SDC3: variants seen among roughly 807,000 people sequenced by gnomAD.
SDC3 encodes the protein syndecan 3.
In SDC3, 13 loss-of-function variants were observed where a neutral mutation model predicts 24.4. The observed-to-expected ratio is 0.53, with a 90% CI of 0.35 to 0.85. SDC3 has a LOEUF of 0.85. SDC3 is among the 40% of genes least tolerant of loss of function. SDC3 has a pLI of 0.01. For missense variants in SDC3, 571 were observed against 584.5 expected (o/e 0.98, Z 0.24); for synonymous variants, 295 against 260.9 (o/e 1.13, Z -1.26).
chr1:30,882,795 G>T (rs538718900), intron 1 of SDC3, among the ~76,000 whole-genome samples: 2 of 152,208 alleles, frequency 1.3e-5, no homozygotes, highest in Admixed American at 1.3e-4. Context: ...TAGAGAAACC[G>T]GTCAGCACAG....
rs150009038 is a variant in SDC3 at position 30,876,752 on chromosome 1, C to T, written c.670G>A (p.Ala224Thr). The T allele has an allele frequency of 3.1e-6, 5 of 1,589,018 alleles. No individual in the cohort carries two copies. The highest frequency in any genetic ancestry group is 4.3e-6 in the Non-Finnish European group (5 of 1,167,252). Residue 224 changes from alanine to threonine, a missense_variant, in exon 3 of 5, where the codon GCC becomes ACC. Physicochemically the swap from Ala to Thr is moderately conservative, Grantham distance 58. Coordinates refer to ENST00000339394, the MANE Select transcript of SDC3 (RefSeq NM_014654.4). ...LPLTTVATARATTPEAPSPPT... is the reference protein window; with the variant it reads ...LPLTTVATARTTTPEAPSPPT... Reference sequence around the variant, plus strand: ...GGGGAGGGCGCCTCGGGGGTAGTGGCCCGTGCCGTAGCCACTGTGGTCAGT... The same window carrying T: ...GGGGAGGGCGCCTCGGGGGTAGTGGTCCGTGCCGTAGCCACTGTGGTCAGT...
At chr1:30,893,869 T>C (rs540255477) in intron 1 of SDC3, among the ~76,000 whole-genome samples, 1 of 152,196 alleles carries the variant, frequency 6.6e-6, no homozygotes, top group Admixed American at 6.5e-5. Context: ...AAATAACATA[T>C]AACTGCATCT....
At chr1:30,878,933 G>A (rs1639695004) in intron 1 of SDC3, 193 bp from the exon 2 acceptor site, 3 of 558,820 alleles carry the variant, frequency 5.4e-6, no homozygotes, top group African/African-American at 3.7e-5. Context: ...AGTCACCTGG[G>A]GTCCCATCCC....
At chr1:30,878,894 A>T in intron 1 of SDC3, 154 bp from the exon 2 acceptor site, 1 of 634,310 alleles carries the variant, frequency 1.6e-6, no homozygotes, top group Non-Finnish European at 2.8e-6. Flanking sequence ...GTGTGTGAAT[A>T]ATTCACAGGG....
At chr1:30,907,156 G>A (rs560618453) in intron 1 of SDC3, among the ~76,000 whole-genome samples, 3 of 152,296 alleles carry the variant, frequency 2.0e-5, no homozygotes, top group East Asian at 3.9e-4. Flanking sequence ...GAGAGGCCTG[G>A]GTCCTTTTCA....
rs1408244974 is a variant in SDC3, at chr1:30,873,229, C to T, written c.1311G>A (p.Gln437=). Residue 437 remains glutamine, a synonymous_variant, in exon 5 of 5, where the codon CAG becomes CAA. Coordinates refer to ENST00000339394, the MANE Select transcript of SDC3 (RefSeq NM_014654.4). ...ASVTYQKPDK[Q]EEFYA ...GGCTCCACTAGGCATAGAACTCCTC[C>T]TGCTTGTCAGGCTTCTGGTATGTGA... The T allele has an allele frequency of 3.1e-6, 5 of 1,613,754 alleles. No individual in the cohort carries two copies. In the Admixed American group the frequency reaches 8.3e-5, roughly 27 times the overall value.
chr1:30,900,754 C>T (rs892570895), intron 1 of SDC3, among the ~76,000 whole-genome samples: 10 of 152,034 alleles, frequency 6.6e-5, no homozygotes, highest in Admixed American at 2.6e-4. Context: ...TCCCAGATCC[C>T]GCTGGTGATT....
upstream of SDC3, chr1:30,908,828 G>GT: frequency 1.5e-3 from 1 of 660 alleles, no homozygotes; most frequent in South Asian, 2.2e-3. Context: ...CGGGCGGAAC[G>GT]GAGGAGGGGC....
intron 1 of SDC3, among the ~76,000 whole-genome samples, chr1:30,886,847 C>A (rs1639836230): frequency 6.6e-6 from 1 of 152,146 alleles, no homozygotes; most frequent in Non-Finnish European, 1.5e-5. Flanking sequence ...CTCACTTGAC[C>A]AGAAAGGGAT....
At chr1:30,881,625 A>T (rs1308208213) in intron 1 of SDC3, among the ~76,000 whole-genome samples, 1 of 152,236 alleles carries the variant, frequency 6.6e-6, no homozygotes, top group African/African-American at 2.4e-5. Context: ...AGGCCTGAGC[A>T]TCAGGTCCCA....
intron 1 of SDC3, among the ~76,000 whole-genome samples, chr1:30,896,956 C>T (rs1399905367): frequency 6.6e-6 from 1 of 152,102 alleles, no homozygotes; most frequent in South Asian, 2.1e-4. Flanking sequence ...GAGTAAAAGT[C>T]CATGCCAAAA....
At position 30,873,139 on chromosome 1, in the gene SDC3, G is replaced by A; in HGVS notation, c.*72C>T. The A allele has an allele frequency of 1.0e-5, 12 of 1,148,398 alleles. No homozygotes were observed. Among genetic ancestry groups the A allele is most frequent in the Non-Finnish European group, 1.6e-5 (12 of 768,986 alleles). 71.1% of individuals were successfully genotyped at this position (1,148,398 alleles called of 1,614,324 possible). ...AGGTTCCAGGCCCAGTCCCAGGCTT[G>A]GGCTGGTGGGGCCAGGCTGGGGACT... On this transcript the variant is annotated 3_prime_UTR_variant, in exon 5 of 5. Transcript: ENST00000339394.
chr1:30,881,124 C>T (rs1050438337), intron 1 of SDC3, among the ~76,000 whole-genome samples: 1 of 151,860 alleles, frequency 6.6e-6, no homozygotes, highest in Non-Finnish European at 1.5e-5. Flanking sequence ...TACACACACA[C>T]ACTATTAAGT....
chr1:30,903,229 G>C (rs929916350), intron 1 of SDC3, among the ~76,000 whole-genome samples: 1 of 152,126 alleles, frequency 6.6e-6, no homozygotes, highest in African/African-American at 2.4e-5. Flanking sequence ...CACTTTCTAA[G>C]GGCCAGAGGG....
intron 3 of SDC3, among the ~76,000 whole-genome samples, chr1:30,875,295 C>T (rs141616365): frequency 2.0e-4 from 30 of 152,348 alleles, no homozygotes; most frequent in African/African-American, 7.0e-4. Context: ...AGTGCCCCAG[C>T]GTACACAGCG....
chr1:30,890,109 G>A (rs1331311749), intron 1 of SDC3, among the ~76,000 whole-genome samples: 2 of 152,172 alleles, frequency 1.3e-5, no homozygotes, highest in South Asian at 2.1e-4. Flanking sequence ...TCAGGAGTTC[G>A]AGACCAGCCT....
In SDC3 at chr1:30,874,644, A is replaced by G. The variant is rs181113622; in HGVS notation, c.871-56T>C. On this transcript the variant is annotated intron_variant, in intron 3 of 4. Transcript: ENST00000339394. Reference sequence around the variant, plus strand: ...ACCACACATGCATGCATAACCCCCCACCACCATCCTACTGCCCTGGGGGGC... The same window carrying G: ...ACCACACATGCATGCATAACCCCCCGCCACCATCCTACTGCCCTGGGGGGC... The G allele has an allele frequency of 2.2e-3, 3,372 of 1,527,098 alleles. 9 individuals are homozygous for G. Among genetic ancestry groups the G allele is most frequent in the Non-Finnish European group, 2.8e-3 (3,149 of 1,114,184 alleles). The allele number at this position is 1,527,098 out of a possible 1,614,324, so 94.6% of individuals were successfully genotyped here.
At chr1:30,884,223 C>T (rs546378933) in intron 1 of SDC3, among the ~76,000 whole-genome samples, 41 of 152,154 alleles carry the variant, frequency 2.7e-4, no homozygotes, top group African/African-American at 9.4e-4. Context: ...AGCAGAAGCC[C>T]GGGGAGGAGT....
chr1:30,885,914 C>A (rs983803918), intron 1 of SDC3, among the ~76,000 whole-genome samples: 1 of 152,194 alleles, frequency 6.6e-6, no homozygotes, highest in Non-Finnish European at 1.5e-5. Context: ...GAAAGCCAGG[C>A]CCCCTCCTCA....
Sources: allele counts gnomAD v4.1 joint callset (sites outside exome capture counted in the v4.1 genomes callset), GRCh38; gene constraint gnomAD v4.1.1; transcripts MANE v1.5; gene names NCBI Gene and HGNC (gene_info 2026-07-23, HGNC 2026-07-21).